The following VPS35 variants were observed in gnomAD, a reference collection of about 807,000 sequenced individuals.
VPS35 encodes the protein vacuolar protein sorting-associated protein 35.
In VPS35, 21 loss-of-function variants were observed where a neutral mutation model predicts 98.1. That is an observed-to-expected ratio of 0.21 (90% CI 0.15 to 0.31). The LOEUF (loss-of-function observed/expected upper bound fraction) is 0.31, where lower values mean the gene tolerates loss of function less well. Ranked by LOEUF, VPS35 falls within the 10% of genes least tolerant of loss-of-function variation. VPS35 has a pLI of 1.00. For missense variants in VPS35, 554 were observed against 950.8 expected, an observed-to-expected ratio of 0.58 and a Z score of 5.49; for synonymous variants, 268 against 318.2, an observed-to-expected ratio of 0.84 and a Z score of 1.68.
rs1966221809 is a variant in VPS35 at position 46,680,691 on chromosome 16, A to G, written c.486T>C (p.Pro162=). ...YLLQCTRNIL[P]DEGEPTDEET... is the part of the protein sequence containing the mutation. Reference sequence around the variant, plus strand: ...CTTACTCTGTTGGCTCTCCTTCATCAGGTAAGATATTTCTGGTACACTGAA... The same window carrying G: ...CTTACTCTGTTGGCTCTCCTTCATCGGGTAAGATATTTCTGGTACACTGAA... The change falls in exon 5 of 17, where the codon CCT becomes CCC. Residue 162 remains proline, a synonymous_variant. Coordinates refer to ENST00000299138, the MANE Select transcript of VPS35 (RefSeq NM_018206.6). The G allele has an allele frequency of 6.2e-7, 1 of 1,613,808 alleles. No individual in the cohort carries two copies. Among genetic ancestry groups the G allele is most frequent in the African/African-American group, 1.3e-5 (1 of 74,930 alleles).
chr16:46,672,001 T>G, intron 11 of VPS35, 141 bp from the exon 12 acceptor site: 1 of 1,178,492 alleles, frequency 8.5e-7, no homozygotes, highest in Non-Finnish European at 1.2e-6. Flanking sequence ...TCGATACACA[T>G]GTATGTCATA....
intron 12 of VPS35, 182 bp from the exon 13 acceptor site, chr16:46,669,234 T>C: frequency 1.4e-6 from 1 of 736,898 alleles, no homozygotes; most frequent in Non-Finnish European, 2.2e-6. Flanking sequence ...CAGAGACAGA[T>C]ACTATTCCAT....
intron 10 of VPS35, 142 bp from the exon 11 acceptor site, chr16:46,672,614 A>G (rs1296007243): frequency 1.9e-5 from 13 of 679,802 alleles, no homozygotes; most frequent in South Asian, 7.2e-5. Context: ...ACAGAAGACT[A>G]TAACAACCTC....
At position 46,676,648 on chromosome 16, in the gene VPS35, A is replaced by C. The variant is rs746190765; in HGVS notation, c.849T>G (p.Leu283=). ...TCTGGTGTAACTCAGCACAGGCCCGAAGAAAAGGATTCAAAGTCTGGAGGT... is the reference window on the plus strand; with the variant it reads ...TCTGGTGTAACTCAGCACAGGCCCGCAGAAAAGGATTCAAAGTCTGGAGGT... ...EFHLQTLNPF[L]RACAELHQNV... Residue 283 remains leucine (L), a synonymous_variant, in exon 8 of 17, where the codon CTT becomes CTG. Transcript: ENST00000299138. The C allele has an allele frequency of 1.2e-6, 2 of 1,613,480 alleles. No homozygotes were observed. The highest frequency in any genetic ancestry group is 2.2e-5 in the South Asian group (2 of 91,064).
chr16:46,667,273 G>A (rs570305585), intron 13 of VPS35, among the ~76,000 whole-genome samples: 24 of 152,238 alleles, frequency 1.6e-4, no homozygotes, highest in African/African-American at 5.8e-4. Flanking sequence ...TTGGAAAAAT[G>A]TCTATTCAGA....
rs1596725355 is a variant in VPS35 at position 46,683,415 on chromosome 16, A to T, written c.102+93T>A. On this transcript the variant is annotated intron_variant, in intron 2 of 16. Transcript: ENST00000299138. ...GATGCTGGTAAACGGTGAAGATTAG[A>T]TTTACCAGAAACACCTGACTCTAGA... 5.8e-6 allele frequency: 7 copies of T among 1,202,952 alleles called. No individual in the cohort carries two copies. The East Asian group carries it at 7.3e-5, about 13-fold the overall frequency. 74.5% of individuals were successfully genotyped at this position (1,202,952 alleles called of 1,614,324 possible).
At position 46,680,667 on chromosome 16, in the gene VPS35, T is replaced by G. The variant is rs760012192; in HGVS notation, c.506+4A>C. 11 of 1,613,500 alleles carry G rather than the reference T, an allele frequency of 6.8e-6. No homozygotes were observed. The Admixed American group carries it at 1.8e-4, about 27-fold the overall frequency. On this transcript the variant is annotated splice_donor_region_variant and intron_variant, in intron 5 of 16. Transcript: ENST00000299138. ...CAACAAAATTAAGAAAGAAAATCAC[T>G]TACTCTGTTGGCTCTCCTTCATCAG...
chr16:46,672,582 G>A, intron 10 of VPS35, 110 bp from the exon 11 acceptor site: 3 of 896,182 alleles, frequency 3.3e-6, no homozygotes, highest in Non-Finnish European at 5.3e-6. Flanking sequence ...TAAAGGAAAT[G>A]GGTCAAGTGA....
intron 7 of VPS35, 58 bp from the exon 8 acceptor site, chr16:46,676,750 A>AGTG: frequency 8.0e-7 from 1 of 1,244,034 alleles, no homozygotes; most frequent in Non-Finnish European, 1.2e-6. Context: ...CTGGACTCAC[A>AGTG]TATGGTAAAG....
chr16:46,686,125 A>G (rs1966309089), intron 1 of VPS35, among the ~76,000 whole-genome samples: 1 of 152,170 alleles, frequency 6.6e-6, no homozygotes. Flanking sequence ...TTTAAGTGAA[A>G]TCATACAATA....
At chr16:46,667,585 G>T (rs1338084891) in intron 13 of VPS35, among the ~76,000 whole-genome samples, 1 of 151,400 alleles carries the variant, frequency 6.6e-6, no homozygotes, top group Non-Finnish European at 1.5e-5. Flanking sequence ...ATAGGTTTTT[G>T]GTTTCATATC....
chr16:46,677,727 GGTCTCCCTAT>G (rs1567267819), intron 6 of VPS35: 1 of 324,996 alleles, frequency 3.1e-6, no homozygotes, highest in African/African-American at 2.2e-5. Flanking sequence ...GTAGAGATGG[GGTCTCCCTAT>G]GTTGCCCAGG....
Position 46,660,499 on chromosome 16 carries a change from C to T in VPS35, c.2364G>A (p.Gly788=). Residue 788 remains glycine (G), a synonymous_variant, in exon 17 of 17, where the codon GGG becomes GGA. Coordinates refer to ENST00000299138, the MANE Select transcript of VPS35 (RefSeq NM_018206.6). The stretch of plus-strand genomic sequence containing the variant: ...AAAGGATGAGACCTTCATAAATTGG[C>T]CCCTCGGATTCTGGTGATTCCCGCC... ...RLRRESPESE[G]PIYEGLIL The T allele has an allele frequency of 6.2e-7, 1 of 1,613,918 alleles. No individual in the cohort carries two copies. Among genetic ancestry groups the T allele is most frequent in the Non-Finnish European group, 8.5e-7 (1 of 1,180,000 alleles).
At chr16:46,663,387 T>C (rs534276357) in intron 13 of VPS35, among the ~76,000 whole-genome samples, 1 of 152,252 alleles carries the variant, frequency 6.6e-6, no homozygotes, top group East Asian at 1.9e-4. Flanking sequence ...TTGGTATTTG[T>C]TTTTTCTTTT....
At chr16:46,665,359 C>A (rs1183697595) in intron 13 of VPS35, among the ~76,000 whole-genome samples, 1 of 152,028 alleles carries the variant, frequency 6.6e-6, no homozygotes, top group East Asian at 1.9e-4. Flanking sequence ...TTAGGGAGGC[C>A]AAGGAGGCAG....
intron 1 of VPS35, among the ~76,000 whole-genome samples, chr16:46,683,885 C>T (rs1156447052): frequency 1.3e-5 from 2 of 152,126 alleles, no homozygotes; most frequent in African/African-American, 2.4e-5. Flanking sequence ...TCACCACACC[C>T]GGCTAATTTT....
chr16:46,683,406 G>A (rs1596725351), intron 2 of VPS35, 102 bp downstream of exon 2: 1 of 1,102,964 alleles, frequency 9.1e-7, no homozygotes, highest in Non-Finnish European at 1.4e-6. Context: ...GGTAAACGGT[G>A]AAGATTAGAT....
intron 1 of VPS35, among the ~76,000 whole-genome samples, chr16:46,684,709 G>A (rs1966286137): frequency 6.6e-6 from 1 of 152,112 alleles, no homozygotes; most frequent in Non-Finnish European, 1.5e-5. Flanking sequence ...CCAACACACT[G>A]CTTGATACAT....
intron 13 of VPS35, among the ~76,000 whole-genome samples, chr16:46,663,583 G>A (rs1362340893): frequency 6.6e-6 from 1 of 151,962 alleles, no homozygotes; most frequent in African/African-American, 2.4e-5. Context: ...GTTTCACCAA[G>A]TGGGGCGGGG....
Sources: gnomAD v4.1 joint callset for allele counts (sites outside exome capture counted in the v4.1 genomes callset) on GRCh38, gnomAD v4.1.1 for gene constraint, MANE v1.5 for transcripts, NCBI Gene and HGNC (gene_info 2026-07-23, HGNC 2026-07-21) for gene names.